Variants in GRIK3 observed in about 807,000 individuals in gnomAD.
The protein encoded by GRIK3 is glutamate receptor ionotropic, kainate 3.
A neutral mutation model predicts 102.5 loss-of-function variants in GRIK3; 29 were observed. That is an observed-to-expected ratio of 0.28 (90% CI 0.21 to 0.39). The LOEUF is 0.39. Among genes scored for constraint, GRIK3 ranks in the 10% least tolerant of loss-of-function variants. The pLI, the probability that GRIK3 is intolerant of heterozygous loss-of-function variation, is 1.00. For synonymous variants in GRIK3, 511 were observed against 504.9 expected (o/e 1.01, Z -0.16); for missense variants, 908 against 1,252.4 (o/e 0.73, Z 4.15).
intron 1 of GRIK3, among the ~76,000 whole-genome samples, chr1:36,951,232 G>A (rs1641840033): frequency 6.6e-6 from 1 of 152,242 alleles, no homozygotes; most frequent in African/African-American, 2.4e-5. Flanking sequence ...TGAGACTAGT[G>A]ACTCCAAGTC....
At chr1:36,825,479 A>G (rs1388017928) in intron 11 of GRIK3, 124 bp downstream of exon 11, 1 of 563,412 alleles carries the variant, frequency 1.8e-6, no homozygotes, top group Non-Finnish European at 3.1e-6. Context: ...GGAGTGGAAG[A>G]GGAGTGGGTA....
chr1:36,841,057 G>GGCCTCCTA (rs1640443682), intron 10 of GRIK3, among the ~76,000 whole-genome samples: 1 of 152,156 alleles, frequency 6.6e-6, no homozygotes, highest in South Asian at 2.1e-4. Flanking sequence ...TCGAGCCCAG[G>GGCCTCCTA]GCCTCCTAAT....
chr1:36,888,627 G>A lies in GRIK3; in HGVS notation c.292+2293C>T, dbSNP rs541338687. ...ATGGTCACAGGAACCAGCCACCTCTGTCTTAAACACTTTGGGATCCCCAGC... is the reference window on the plus strand; with the variant it reads ...ATGGTCACAGGAACCAGCCACCTCTATCTTAAACACTTTGGGATCCCCAGC... On this transcript the variant is annotated intron_variant, in intron 2 of 15. Coordinates refer to ENST00000373091, the MANE Select transcript of GRIK3 (RefSeq NM_000831.4). 2.6e-5 allele frequency among the ~76,000 whole-genome samples: 4 copies of A among 152,256 alleles called. No individual in the cohort carries two copies. In the South Asian group the frequency reaches 8.3e-4, roughly 32 times the overall value.
chr1:36,855,719 G>A (rs549061136), intron 7 of GRIK3, among the ~76,000 whole-genome samples: 5 of 152,376 alleles, frequency 3.3e-5, no homozygotes, highest in South Asian at 2.1e-4. Context: ...GCTTCCATCT[G>A]TGCAGCTCCC....
chr1:36,834,633 G>A (rs185124765), intron 10 of GRIK3, among the ~76,000 whole-genome samples: 88 of 152,194 alleles, frequency 5.8e-4, no homozygotes, highest in African/African-American at 1.7e-3. Context: ...GAGTCCCCAC[G>A]GGGACCAGCC....
chr1:36,827,648 G>C (rs1467336154), intron 10 of GRIK3, among the ~76,000 whole-genome samples: 1 of 152,038 alleles, frequency 6.6e-6, no homozygotes, highest in Non-Finnish European at 1.5e-5. Context: ...TTTACTAAAG[G>C]GTACCTGCTA....
chr1:36,893,376 G>A (rs1353956837), intron 1 of GRIK3, among the ~76,000 whole-genome samples: 2 of 152,166 alleles, frequency 1.3e-5, no homozygotes, highest in African/African-American at 4.8e-5. Context: ...CAAAGGACGA[G>A]TATGAACCTT....
intron 10 of GRIK3, among the ~76,000 whole-genome samples, chr1:36,827,437 AG>A (rs896560847): frequency 9.2e-5 from 14 of 152,110 alleles, no homozygotes; most frequent in African/African-American, 2.2e-4. Context: ...CTTTCTGGCA[AG>A]GGGGGACCTC....
chr1:37,007,077 G>A (rs1642540432), intron 1 of GRIK3, among the ~76,000 whole-genome samples: 2 of 152,188 alleles, frequency 1.3e-5, no homozygotes, highest in Admixed American at 6.5e-5. Context: ...CCACATCCCT[G>A]CCTTCCTGAG....
intron 1 of GRIK3, among the ~76,000 whole-genome samples, chr1:37,003,747 G>C (rs914051569): frequency 1.4e-4 from 21 of 152,120 alleles, no homozygotes; most frequent in Non-Finnish European, 2.5e-4. Context: ...GGGTACTAGA[G>C]AGCCAGGCTG....
intron 1 of GRIK3, among the ~76,000 whole-genome samples, chr1:36,903,804 C>T (rs1057080759): frequency 7.9e-5 from 12 of 152,128 alleles, no homozygotes; most frequent in Admixed American, 4.6e-4. Context: ...TGGCTTCCAG[C>T]GGGTGGAGGA....
At position 37,033,988 on chromosome 1, in the gene GRIK3, G is replaced by A; in HGVS notation, c.115+6C>T. ...ACGGAGACCCCCGGCTCCAGGGAGCGCTTACCGATCCGGATGACGTGGGGC... is the reference window on the plus strand; with the variant it reads ...ACGGAGACCCCCGGCTCCAGGGAGCACTTACCGATCCGGATGACGTGGGGC... On this transcript the variant is annotated splice_donor_region_variant and intron_variant, in intron 1 of 15. Transcript: ENST00000373091. The A allele has an allele frequency of 2.6e-6, 4 of 1,553,112 alleles. No individual in the cohort carries two copies. The highest frequency in any genetic ancestry group is 3.5e-6 in the Non-Finnish European group (4 of 1,137,864).
At position 36,795,678 on chromosome 1, in the gene GRIK3, T is replaced by C. The variant is rs1642356904; in HGVS notation, c.*6173A>G. The C allele has an allele frequency of 6.6e-6, 1 of 152,236 alleles. No homozygotes were observed. Among genetic ancestry groups the C allele is most frequent in the Non-Finnish European group, 1.5e-5 (1 of 68,044 alleles). 9.4% of individuals were successfully genotyped at this position (152,236 alleles called of 1,614,324 possible). On this transcript the variant is annotated 3_prime_UTR_variant, in exon 16 of 16. Transcript: ENST00000373091. ...ACATCAGCCTAGAATGATTGGCAAG[T>C]AACACAGTTACTATGAAACCCAAAT...
In GRIK3 at chr1:36,956,952, A is replaced by G. The variant is rs1641918705; in HGVS notation, c.116-65856T>C. On this transcript the variant is annotated intron_variant, in intron 1 of 15. Transcript: ENST00000373091. The stretch of plus-strand genomic sequence containing the variant: ...TCATTCACTGTCCTGTGAGTAAAGC[A>G]CTCTGTCTCCACCCGCATCACTCTG... Among the ~76,000 whole-genome samples, 5 of 152,178 alleles carry G rather than the reference A, an allele frequency of 3.3e-5. No homozygotes were observed. The South Asian group carries it at 1.0e-3, about 32-fold the overall frequency.
At chr1:36,890,494 T>C (rs1289022279) in intron 2 of GRIK3, among the ~76,000 whole-genome samples, 2 of 151,060 alleles carry the variant, frequency 1.3e-5, no homozygotes, top group Admixed American at 6.6e-5. Flanking sequence ...CAGTAACTGC[T>C]CTCGATATCA....
chr1:36,999,439 C>T (rs1642452792), intron 1 of GRIK3, among the ~76,000 whole-genome samples: 1 of 152,112 alleles, frequency 6.6e-6, no homozygotes, highest in Non-Finnish European at 1.5e-5. Context: ...CAGCATCTGA[C>T]CTTCCCACTT....
chr1:36,843,781 C>A (rs1640488727), intron 9 of GRIK3, among the ~76,000 whole-genome samples: 1 of 152,238 alleles, frequency 6.6e-6, no homozygotes, highest in African/African-American at 2.4e-5. Flanking sequence ...CCTGCCTCAG[C>A]ACCCCAACGT....
chr1:37,012,848 A>G (rs1340257345), intron 1 of GRIK3, among the ~76,000 whole-genome samples: 2 of 152,150 alleles, frequency 1.3e-5, no homozygotes, highest in Non-Finnish European at 2.9e-5. Context: ...TACCCTGCTC[A>G]CTGTTGGGAG....
At chr1:37,006,313 C>T (rs1361615821) in intron 1 of GRIK3, among the ~76,000 whole-genome samples, 4 of 152,166 alleles carry the variant, frequency 2.6e-5, no homozygotes, top group Admixed American at 6.5e-5. Flanking sequence ...ACAGTGACCT[C>T]GATAACGCAA....
Sources: allele counts gnomAD v4.1 joint callset (sites outside exome capture counted in the v4.1 genomes callset), GRCh38; gene constraint gnomAD v4.1.1; transcripts MANE v1.5; gene names NCBI Gene and HGNC (gene_info 2026-07-23, HGNC 2026-07-21).